The following SPP1 variants were observed in gnomAD, a reference collection of about 807,000 sequenced individuals.
SPP1 encodes secreted phosphoprotein 1.
Under a neutral mutation model 20.8 loss-of-function variants are expected in SPP1, and 18 were observed. The observed-to-expected ratio is 0.87, with a 90% CI of 0.60 to 1.29. The LOEUF (loss-of-function observed/expected upper bound fraction) is 1.29, where lower values mean the gene tolerates loss of function less well. Among genes scored for constraint, SPP1 ranks in the 50% most tolerant of loss-of-function variants. The pLI is 0.00. For missense variants in SPP1, 363 were observed against 389.0 expected (o/e 0.93, Z 0.56); for synonymous variants, 146 against 141.5 (o/e 1.03, Z -0.23).
At chr4:87,977,175 C>T (rs1273687201) in intron 3 of SPP1, 78 bp downstream of exon 3, 8 of 1,376,494 alleles carry the variant, frequency 5.8e-6, no homozygotes, top group East Asian at 4.6e-5. Context: ...GTATTTGCTG[C>T]GATATTACTT....
intron 1 of SPP1, among the ~76,000 whole-genome samples, chr4:87,976,035 G>A (rs1227669375): frequency 2.0e-5 from 3 of 152,076 alleles, no homozygotes; most frequent in Admixed American, 2.0e-4. Context: ...TCAAAAGAAC[G>A]GAAACCACCG....
rs1339358423 is a variant in SPP1 at position 87,979,345 on chromosome 4, TA to T, written c.94-700del. ...ACGCCCGGCTATTTTTTTTTATTTT[TA>T]TTTTTTTTAGTAGAAACGGGGTTTC... On this transcript the variant is annotated intron_variant, in intron 3 of 6. Transcript: ENST00000395080. Among the ~76,000 whole-genome samples the T allele has an allele frequency of 5.5e-4, 83 of 151,906 alleles. 1 individual carries two copies. Among genetic ancestry groups the T allele is most frequent in the African/African-American group, 1.8e-3 (74 of 41,392 alleles).
Position 87,976,834 on chromosome 4 carries a change from G to A in SPP1, c.-14-48G>A, listed in dbSNP as rs376645598. On this transcript the variant is annotated intron_variant, in intron 1 of 6. Transcript: ENST00000395080. ...TGTGGTAGTATAAAAAGGTATCACT[G>A]TTGTAACCTATGAAGATGTCAGCTA... 6 of 1,375,648 alleles carry A rather than the reference G, an allele frequency of 4.4e-6. No individual in the cohort carries two copies. In the African/African-American group the frequency reaches 7.1e-5, roughly 16 times the overall value. The allele number at this position is 1,375,648 out of a possible 1,614,324, so 85.2% of individuals were successfully genotyped here.
intron 3 of SPP1, chr4:87,977,806 T>C (rs780060557): frequency 7.0e-6 from 9 of 1,282,114 alleles, no homozygotes; most frequent in Non-Finnish European, 8.1e-6. Context: ...AGAGCTGCCT[T>C]GGGGGTCACT....
At chr4:87,981,382 TA>T (rs1160858660) in intron 5 of SPP1, 92 bp from the exon 6 acceptor site, 41 of 1,191,682 alleles carry the variant, frequency 3.4e-5, no homozygotes, top group Admixed American at 4.9e-5. Context: ...TGAAACTAAA[TA>T]AAAAGAAAGA....
At chr4:87,977,843 T>G in intron 3 of SPP1, 1 of 1,257,858 alleles carries the variant, frequency 8.0e-7, no homozygotes, top group Non-Finnish European at 1.0e-6. Context: ...ATGAAGACAT[T>G]AAAAGAAGTA....
In SPP1 at chr4:87,981,441, A is replaced by G. The variant is rs375660184; in HGVS notation, c.217-34A>G. The G allele has an allele frequency of 4.1e-4, 644 of 1,579,704 alleles. 3 individuals carry two copies. Among genetic ancestry groups the G allele is most frequent in the Non-Finnish European group, 1.4e-4 (158 of 1,155,426 alleles). ...AAAGGCTAAGGGAAAATAAAAACCCATATATTAATTTTCCCGGCCATCTTA... is the reference window on the plus strand; with the variant it reads ...AAAGGCTAAGGGAAAATAAAAACCCGTATATTAATTTTCCCGGCCATCTTA... On this transcript the variant is annotated intron_variant, in intron 5 of 6. Coordinates refer to ENST00000395080, the MANE Select transcript of SPP1 (RefSeq NM_001040058.2).
At chr4:87,977,219 T>C in intron 3 of SPP1, 122 bp downstream of exon 3, 1 of 980,120 alleles carries the variant, frequency 1.0e-6, no homozygotes, top group East Asian at 2.5e-5. Context: ...TTTACAAGTA[T>C]TGATTGACTG....
chr4:87,978,132 T>C (rs1010302415), intron 3 of SPP1: 1 of 155,862 alleles, frequency 6.4e-6, no homozygotes, highest in African/African-American at 2.4e-5. Flanking sequence ...AGTAAAAAAT[T>C]GGGGAAGTCT....
intron 3 of SPP1, chr4:87,977,587 G>A (rs1423897897): frequency 7.4e-6 from 7 of 946,844 alleles, no homozygotes; most frequent in Non-Finnish European, 9.3e-6. Flanking sequence ...TATTGTGATT[G>A]TCAGCTGATG....
At chr4:87,977,806 T>TG in intron 3 of SPP1, 8 of 1,282,116 alleles carry the variant, frequency 6.2e-6, no homozygotes, top group Non-Finnish European at 8.1e-6. Context: ...AGAGCTGCCT[T>TG]GGGGGTCACT....
At chr4:87,982,257 C>A (rs546823193) in intron 6 of SPP1, among the ~76,000 whole-genome samples, 21 of 152,074 alleles carry the variant, frequency 1.4e-4, no homozygotes, top group South Asian at 8.3e-4. Flanking sequence ...TATAATGAAA[C>A]CTACCTCATA....
rs775719155 is a variant in SPP1 at position 87,981,713 on chromosome 4, C to T, written c.455C>T (p.Thr152Ile). The T allele has an allele frequency of 6.2e-7, 1 of 1,614,188 alleles. No homozygotes were observed. The highest frequency in any genetic ancestry group is 8.5e-7 in the Non-Finnish European group (1 of 1,180,038). The change falls in exon 6 of 7, where the codon ACA becomes ATA. Residue 152 changes from threonine (T) to isoleucine (I), a missense_variant. Physicochemically the swap from Thr to Ile is moderately conservative, Grantham distance 89. Coordinates refer to ENST00000395080, the MANE Select transcript of SPP1 (RefSeq NM_001040058.2). ...GAAGTTTTCACTCCAGTTGTCCCCA[C>T]AGTAGACACATATGATGGCCGAGGT... The part of the protein sequence containing the change: ...ATEVFTPVVP[T>I]VDTYDGRGDS...
At position 87,981,687 on chromosome 4, in the gene SPP1, C is replaced by T. The variant is rs535179470; in HGVS notation, c.429C>T (p.Thr143=). The part of the protein sequence containing the change: ...VTDFPTDLPA[T]EVFTPVVPTV... ...ATTTTCCCACGGACCTGCCAGCAAC[C>T]GAAGTTTTCACTCCAGTTGTCCCCA... Residue 143 remains threonine (T), a synonymous_variant, in exon 6 of 7, where the codon ACC becomes ACT. Transcript: ENST00000395080. 18 of 1,614,022 alleles carry T rather than the reference C, an allele frequency of 1.1e-5. No individual in the cohort carries two copies. In the Admixed American group the frequency reaches 1.2e-4, roughly 10 times the overall value.
chr4:87,978,394 T>C (rs1725487262), intron 3 of SPP1, among the ~76,000 whole-genome samples: 1 of 138,640 alleles, frequency 7.2e-6, no homozygotes, highest in Non-Finnish European at 1.6e-5. Flanking sequence ...CCTTCTTTTT[T>C]TTTTTTTTTT....
At chr4:87,982,236 G>GTAGGTTTCAATATAATGAAACCTACCTCA (rs1725678593) in intron 6 of SPP1, among the ~76,000 whole-genome samples, 2 of 151,824 alleles carry the variant, frequency 1.3e-5, no homozygotes, top group African/African-American at 4.8e-5. Flanking sequence ...TCCTCTTTAT[G>GTAGGTTTCAATATAATGAAACCTACCTCA]TAGGTTTCAA....
At chr4:87,976,297 A>T (rs1301653725) in intron 1 of SPP1, among the ~76,000 whole-genome samples, 1 of 152,226 alleles carries the variant, frequency 6.6e-6, no homozygotes, top group Non-Finnish European at 1.5e-5. Context: ...TAGGCTTATT[A>T]TTACAAATAG....
rs777232984 is a variant in SPP1, at chr4:87,982,637, A to G, written c.686A>G (p.Gln229Arg). 4.1e-5 allele frequency: 66 copies of G among 1,614,062 alleles called. 2 individuals carry two copies. In the East Asian group the frequency reaches 1.1e-3, roughly 27 times the overall value. ...SRGKDSYETS[Q>R]LDDQSAETHS... ...GGGAAGGACAGTTATGAAACGAGTC[A>G]GCTGGATGACCAGAGTGCTGAAACC... is the stretch of plus-strand genomic sequence containing the variant. The change falls in exon 7 of 7, where the codon CAG becomes CGG. Residue 229 changes from glutamine (Q) to arginine (R), a missense_variant. Coordinates refer to ENST00000395080, the MANE Select transcript of SPP1 (RefSeq NM_001040058.2).
In SPP1 at chr4:87,982,784, T is replaced by C. The variant is rs1725715165; in HGVS notation, c.833T>C (p.Phe278Ser). Reference sequence around the variant, plus strand: ...AGCCGTGAATTCCACAGCCATGAATTTCACAGCCATGAAGATATGCTGGTT... The same window carrying C: ...AGCCGTGAATTCCACAGCCATGAATCTCACAGCCATGAAGATATGCTGGTT... ...KVSREFHSHE[F>S]HSHEDMLVVD... Residue 278 changes from phenylalanine to serine, a missense_variant, in exon 7 of 7, where the codon TTT becomes TCT. Physicochemically the swap from Phe to Ser is radical, Grantham distance 155. Transcript: ENST00000395080. The C allele has an allele frequency of 2.5e-6, 4 of 1,614,152 alleles. No homozygotes were observed. The highest frequency in any genetic ancestry group is 3.4e-6 in the Non-Finnish European group (4 of 1,180,008).
Sources: allele counts gnomAD v4.1 joint callset (sites outside exome capture counted in the v4.1 genomes callset), GRCh38; gene constraint gnomAD v4.1.1; transcripts MANE v1.5; gene names NCBI Gene and HGNC (gene_info 2026-07-23, HGNC 2026-07-21).